GXYLT2: variants seen among roughly 807,000 people sequenced by gnomAD.
The protein encoded by GXYLT2 is glycosyltransferase 8 domain containing 4.
In GXYLT2, 53 loss-of-function variants were observed where a neutral mutation model predicts 45.8. The ratio of observed to expected loss-of-function variants is 1.16; its 90% CI spans 0.93 to 1.46. The LOEUF is 1.46. GXYLT2 is among the 40% of genes most tolerant of loss of function. GXYLT2 has a pLI of 0.00. For synonymous variants in GXYLT2, 219 were observed against 214.2 expected (o/e 1.02, Z -0.19); for missense variants, 551 against 544.4 (o/e 1.01, Z -0.12).
chr3:72,960,981 AT>A (rs1710757834), intron 5 of GXYLT2, among the ~76,000 whole-genome samples: 1 of 152,238 alleles, frequency 6.6e-6, no homozygotes, highest in African/African-American at 2.4e-5. Flanking sequence ...CTTGTATCTG[AT>A]AACACCGCTT....
chr3:72,914,765 C>T (rs536211683), intron 2 of GXYLT2, among the ~76,000 whole-genome samples: 13 of 151,606 alleles, frequency 8.6e-5, no homozygotes, highest in South Asian at 6.2e-4. Flanking sequence ...GAAAAGATAC[C>T]GACGCCATAG....
At chr3:72,907,407 G>A (rs1471003267) in intron 1 of GXYLT2, among the ~76,000 whole-genome samples, 2 of 152,178 alleles carry the variant, frequency 1.3e-5, no homozygotes, top group Non-Finnish European at 2.9e-5. Context: ...TTGGAAGGAA[G>A]GTAGCATTTG....
In GXYLT2 at chr3:72,931,379, G is replaced by A. The variant is rs150982428; in HGVS notation, c.600+9044G>A. The stretch of plus-strand genomic sequence containing the variant: ...CGAGTAGCTGGGACTACAGGTGCCC[G>A]TCACCACACATGGCTAATTTTTTGT... On this transcript the variant is annotated intron_variant, in intron 3 of 6. Coordinates refer to ENST00000389617, the MANE Select transcript of GXYLT2 (RefSeq NM_001080393.2). Among the ~76,000 whole-genome samples the A allele has an allele frequency of 6.1e-3, 918 of 151,670 alleles. 4 individuals are homozygous for A. Among genetic ancestry groups the A allele is most frequent in the African/African-American group, 0.021 (858 of 41,206 alleles).
chr3:72,957,684 C>T (rs1375231639), intron 5 of GXYLT2, among the ~76,000 whole-genome samples: 3 of 152,116 alleles, frequency 2.0e-5, no homozygotes, highest in Non-Finnish European at 2.9e-5. Context: ...ATAATCTAGG[C>T]GGGAGACCCT....
At chr3:72,963,669 ATTTTTTTTTT>A (rs34028884) in intron 5 of GXYLT2, among the ~76,000 whole-genome samples, 2 of 123,396 alleles carry the variant, frequency 1.6e-5, no homozygotes, top group Non-Finnish European at 3.3e-5. Context: ...TGCCTAGCTA[ATTTTTTTTTT>A]TTTTTTTTTG....
chr3:72,904,241 C>T (rs1217708362), intron 1 of GXYLT2, among the ~76,000 whole-genome samples: 1 of 152,250 alleles, frequency 6.6e-6, no homozygotes, highest in African/African-American at 2.4e-5. Context: ...TCCTAGGTCC[C>T]TAGACTGCAC....
In GXYLT2 at chr3:72,975,926, CTTT is replaced by C. The variant is rs200250227; in HGVS notation, c.*788_*790del. ...GGGTATTTCTTCTTTTTCTTTCTTT[CTTT>C]TTTTTTTTTTTTTTTTTTTTGAGAC... On this transcript the variant is annotated 3_prime_UTR_variant, in exon 7 of 7. Coordinates refer to ENST00000389617, the MANE Select transcript of GXYLT2 (RefSeq NM_001080393.2). 0.56 allele frequency: 66,726 copies of C among 119,782 alleles called. 15,118 individuals carry two copies. The highest frequency in any genetic ancestry group is 0.62 in the Admixed American group (7,265 of 11,666). The allele number at this position is 119,782 out of a possible 1,614,324, so 7.4% of individuals were successfully genotyped here.
At chr3:72,924,441 C>T (rs745971941) in intron 3 of GXYLT2, among the ~76,000 whole-genome samples, 14 of 151,996 alleles carry the variant, frequency 9.2e-5, no homozygotes, top group Middle Eastern at 3.2e-3. Context: ...TGGGCTCAAG[C>T]GGTCCTCCCA....
chr3:72,904,632 T>A (rs1176635021), intron 1 of GXYLT2, among the ~76,000 whole-genome samples: 4 of 149,512 alleles, frequency 2.7e-5, no homozygotes, highest in African/African-American at 9.9e-5. Context: ...CAGTGCATGC[T>A]TTTTTTTTAA....
chr3:72,956,906 CAA>C (rs1261299986), intron 4 of GXYLT2, among the ~76,000 whole-genome samples: 2 of 57,662 alleles, frequency 3.5e-5, no homozygotes, highest in Admixed American at 4.9e-4. Context: ...AAAACAAAAA[CAA>C]AAACACAGGA....
intron 2 of GXYLT2, among the ~76,000 whole-genome samples, chr3:72,915,863 A>T (rs944880998): frequency 1.3e-5 from 2 of 151,154 alleles, no homozygotes; most frequent in African/African-American, 4.9e-5. Context: ...TGGGTTTCTC[A>T]TTACTAGAGG....
intron 5 of GXYLT2, among the ~76,000 whole-genome samples, chr3:72,959,968 C>T (rs769502688): frequency 1.6e-4 from 23 of 142,794 alleles, no homozygotes; most frequent in African/African-American, 3.7e-4. Context: ...TGTTTTGAGA[C>T]GGAATCTCAC....
chr3:72,909,734 A>T (rs751182517), intron 2 of GXYLT2, among the ~76,000 whole-genome samples: 5 of 152,178 alleles, frequency 3.3e-5, no homozygotes, highest in Non-Finnish European at 7.3e-5. Context: ...TACACACGTG[A>T]CCTTTGCAGA....
intron 2 of GXYLT2, among the ~76,000 whole-genome samples, chr3:72,920,371 G>T (rs1490158872): frequency 1.3e-5 from 2 of 152,126 alleles, no homozygotes; most frequent in African/African-American, 4.8e-5. Context: ...CTGACCTCAA[G>T]TGATCCACCC....
intron 3 of GXYLT2, among the ~76,000 whole-genome samples, chr3:72,944,527 G>T (rs1710367184): frequency 6.6e-6 from 1 of 152,094 alleles, no homozygotes; most frequent in Non-Finnish European, 1.5e-5. Flanking sequence ...AGTGCTGGGA[G>T]TACACCGCAC....
chr3:72,927,411 G>A (rs542796643), intron 3 of GXYLT2, among the ~76,000 whole-genome samples: 2 of 151,982 alleles, frequency 1.3e-5, no homozygotes, highest in Admixed American at 6.6e-5. Context: ...TTCTACTTAC[G>A]GCTTGTTAAA....
chr3:72,914,331 C>T (rs974057355), intron 2 of GXYLT2, among the ~76,000 whole-genome samples: 2 of 151,942 alleles, frequency 1.3e-5, no homozygotes, highest in Non-Finnish European at 2.9e-5. Flanking sequence ...TGGGAGATGC[C>T]AGCCAGTTGG....
In GXYLT2 at chr3:72,955,286, T is replaced by C; in HGVS notation, c.789T>C (p.Ser263=). Reference sequence around the variant, plus strand: ...TTGCTAGGCATCCTTTCTATGGCTCTGCAGGAGTTAATTCAGGAGTCATGT... The same window carrying C: ...TTGCTAGGCATCCTTTCTATGGCTCCGCAGGAGTTAATTCAGGAGTCATGT... ...SRFARHPFYG[S]AGVNSGVMLM... Residue 263 remains serine (S), a synonymous_variant, in exon 4 of 7, where the codon TCT becomes TCC. Transcript: ENST00000389617. The C allele has an allele frequency of 6.2e-7, 1 of 1,614,032 alleles. No homozygotes were observed. Among genetic ancestry groups the C allele is most frequent in the Non-Finnish European group, 8.5e-7 (1 of 1,179,880 alleles).
Position 72,955,249 on chromosome 3 carries a change from G to T in GXYLT2, c.752G>T (p.Trp251Leu), listed in dbSNP as rs375253586. ...GAGCACGAAATCCCCAAGATTGGCT[G>T]GTACAGCCGCTTTGCTAGGCATCCT... ...APEHEIPKIG[W>L]YSRFARHPFY... The change falls in exon 4 of 7, where the codon TGG becomes TTG. Residue 251 changes from tryptophan to leucine, a missense_variant. Trp to Leu is a moderately conservative substitution (Grantham distance 61, BLOSUM62 -2). Coordinates refer to ENST00000389617, the MANE Select transcript of GXYLT2 (RefSeq NM_001080393.2). The T allele has an allele frequency of 1.9e-6, 3 of 1,614,032 alleles. No homozygotes were observed. Among genetic ancestry groups the T allele is most frequent in the Non-Finnish European group, 2.5e-6 (3 of 1,179,906 alleles).
Sources: gnomAD v4.1 joint callset for allele counts (sites outside exome capture counted in the v4.1 genomes callset) on GRCh38, gnomAD v4.1.1 for gene constraint, MANE v1.5 for transcripts, NCBI Gene and HGNC (gene_info 2026-07-23, HGNC 2026-07-21) for gene names.